Variants in SEZ6L observed in about 807,000 individuals in gnomAD.
SEZ6L encodes seizure related 6 homolog like.
In SEZ6L, 37 loss-of-function variants were observed where a neutral mutation model predicts 106.2. That is an observed-to-expected ratio of 0.35 (90% CI 0.27 to 0.46). SEZ6L has a LOEUF of 0.46. Among genes scored for constraint, SEZ6L ranks in the 20% least tolerant of loss-of-function variants. The pLI, the probability that SEZ6L is intolerant of heterozygous loss-of-function variation, is 1.00. For missense variants in SEZ6L, 1,172 were observed against 1,332.8 expected (o/e 0.88, Z 1.88); for synonymous variants, 541 against 570.4 (o/e 0.95, Z 0.73).
chr22:26,262,209 GAT>G lies in SEZ6L; in HGVS notation c.95-30188_95-30187del, dbSNP rs201188468. ...TATATATTTATATTGATATATAAAA[GAT>G]ATATATATGCACCTTTTATATATTG... On this transcript the variant is annotated intron_variant, in intron 1 of 16. Coordinates refer to ENST00000248933, the MANE Select transcript of SEZ6L (RefSeq NM_021115.5). 5.6e-3 allele frequency among the ~76,000 whole-genome samples: 828 copies of G among 147,296 alleles called. 3 individuals are homozygous for G. Among genetic ancestry groups the G allele is most frequent in the African/African-American group, 0.02 (793 of 40,104 alleles).
chr22:26,188,061 A>G (rs1939914126), intron 1 of SEZ6L, among the ~76,000 whole-genome samples: 1 of 152,180 alleles, frequency 6.6e-6, no homozygotes, highest in Non-Finnish European at 1.5e-5. Flanking sequence ...TGTATCATGT[A>G]GAGAAGAGAG....
chr22:26,356,469 C>T (rs655586), intron 12 of SEZ6L, among the ~76,000 whole-genome samples: 99,990 of 151,200 alleles, frequency 0.66, 33,672 homozygotes, highest in Middle Eastern at 0.82. Flanking sequence ...TAGTGAAACC[C>T]CGTCTCTACT....
chr22:26,292,541 C>A lies in SEZ6L; in HGVS notation c.230C>A (p.Ala77Glu), dbSNP rs570565336. The stretch of plus-strand genomic sequence containing the variant: ...GCGCCCCCCAGTTCCTCACAGTCGG[C>A]GGAAGTGCTGGGCGAGCTGGTGCTG... ...VTAPPSSSQS[A>E]EVLGELVLDG... is the part of the protein sequence containing the mutation. The change falls in exon 2 of 17, where the codon GCG (alanine) becomes GAG (glutamate). Residue 77 changes from alanine to glutamate, a missense_variant. By Grantham distance (107) the Ala-to-Glu change is moderately radical. Around this residue, in one of 4 missense-constraint regions of SEZ6L, gnomAD observed 494 missense variants for 445.8 expected, o/e 1.11. Transcript: ENST00000248933. 7.4e-6 allele frequency: 12 copies of A among 1,613,830 alleles called. No homozygotes were observed. The highest frequency in any genetic ancestry group is 9.3e-6 in the Non-Finnish European group (11 of 1,179,878).
chr22:26,260,861 G>A (rs1444465027), intron 1 of SEZ6L, among the ~76,000 whole-genome samples: 2 of 152,126 alleles, frequency 1.3e-5, no homozygotes, highest in Non-Finnish European at 2.9e-5. Context: ...GTGTAGAAGT[G>A]TCCCCTTTTC....
chr22:26,338,638 C>A (rs1011312442), intron 9 of SEZ6L, among the ~76,000 whole-genome samples: 1 of 152,008 alleles, frequency 6.6e-6, no homozygotes, highest in Admixed American at 6.5e-5. Context: ...CAGCTCACTT[C>A]AACCTCCACC....
chr22:26,325,310 A>G (rs2082274393), intron 9 of SEZ6L, among the ~76,000 whole-genome samples: 1 of 152,210 alleles, frequency 6.6e-6, no homozygotes, highest in African/African-American at 2.4e-5. Flanking sequence ...TGACCATAGA[A>G]GAGTGGAGAT....
chr22:26,339,245 A>C (rs2082747663), intron 9 of SEZ6L, among the ~76,000 whole-genome samples: 1 of 152,322 alleles, frequency 6.6e-6, no homozygotes, highest in Non-Finnish European at 1.5e-5. Context: ...AGATGCTCAA[A>C]AAAACAAACA....
At chr22:26,209,971 GAGGGAGGAAGGAAGGA>G (rs918676974) in intron 1 of SEZ6L, among the ~76,000 whole-genome samples, 4 of 144,556 alleles carry the variant, frequency 2.8e-5, no homozygotes, top group African/African-American at 8.5e-5. Context: ...GGGAGAGAGG[GAGGGAGGAAGGAAGGA>G]AGGGAGGAAG....
At chr22:26,260,387 G>A (rs2079962046) in intron 1 of SEZ6L, among the ~76,000 whole-genome samples, 1 of 152,132 alleles carries the variant, frequency 6.6e-6, no homozygotes, top group South Asian at 2.1e-4. Context: ...AACATAGGAT[G>A]TTTTGTTTTC....
chr22:26,317,521 G>A (rs915938667), intron 9 of SEZ6L, among the ~76,000 whole-genome samples: 6 of 151,808 alleles, frequency 4.0e-5, no homozygotes, highest in African/African-American at 1.5e-4. Context: ...GAGGTCTAGA[G>A]GAGGAAACAA....
At chr22:26,298,895 C>T in intron 4 of SEZ6L, 89 bp from the exon 5 acceptor site, 2 of 1,323,852 alleles carry the variant, frequency 1.5e-6, no homozygotes, top group Non-Finnish European at 2.0e-6. Flanking sequence ...TCTTCTCTCC[C>T]CAGCACAAAC....
At chr22:26,310,591 C>A in intron 6 of SEZ6L, 79 bp from the exon 7 acceptor site, 1 of 1,488,878 alleles carries the variant, frequency 6.7e-7, no homozygotes, top group South Asian at 1.2e-5. Flanking sequence ...CAGAGGCAGT[C>A]GTAGCACATC....
chr22:26,337,172 C>T lies in SEZ6L; in HGVS notation c.2016-3264C>T, dbSNP rs564172586. Among the ~76,000 whole-genome samples the T allele has an allele frequency of 9.8e-5, 15 of 152,290 alleles. No individual in the cohort carries two copies. The South Asian group carries it at 2.9e-3, about 29-fold the overall frequency. ...AAATTTCAGAAAAATCACATGCCTT[C>T]CATGAAAGTGACAAAGCTGAGAATC... On this transcript the variant is annotated intron_variant, in intron 9 of 16. Transcript: ENST00000248933.
chr22:26,340,327 G>A (rs772125285), intron 9 of SEZ6L, 109 bp from the exon 10 acceptor site: 9 of 989,360 alleles, frequency 9.1e-6, no homozygotes, highest in Non-Finnish European at 1.2e-5. Context: ...CCTGGAGCCT[G>A]ACACATACAC....
At chr22:26,373,507 A>T (rs1175732355) in intron 14 of SEZ6L, 24 bp downstream of exon 14, 1 of 1,585,544 alleles carries the variant, frequency 6.3e-7, no homozygotes, top group African/African-American at 1.4e-5. Flanking sequence ...CGAAAAAAAA[A>T]AAAGTTCAAT....
At position 26,292,810 on chromosome 22, in the gene SEZ6L, C is replaced by G. The variant is rs773165264; in HGVS notation, c.499C>G (p.Pro167Ala). The G allele has an allele frequency of 7.4e-6, 12 of 1,613,864 alleles. No individual in the cohort carries two copies. The Admixed American group carries it at 1.8e-4, about 25-fold the overall frequency. ...LSSSTEKPGP[P>A]GDPDPIVASE... ...CTCCTCCACGGAGAAGCCTGGCCCA[C>G]CGGGGGACCCGGACCCCATCGTGGC... Residue 167 changes from proline to alanine, a missense_variant, in exon 2 of 17, where the codon CCG (proline) becomes GCG (alanine). Coordinates refer to ENST00000248933, the MANE Select transcript of SEZ6L (RefSeq NM_021115.5).
intron 1 of SEZ6L, among the ~76,000 whole-genome samples, chr22:26,245,075 C>T (rs1042896517): frequency 3.3e-5 from 5 of 152,142 alleles, no homozygotes; most frequent in African/African-American, 1.2e-4. Flanking sequence ...AAAGATAACC[C>T]TTAAGTACAT....
intron 5 of SEZ6L, among the ~76,000 whole-genome samples, chr22:26,299,628 C>T (rs189196902): frequency 1.8e-3 from 275 of 152,296 alleles, no homozygotes; most frequent in South Asian, 8.3e-3. Context: ...TTTCAAAGTT[C>T]GTGTATGTTG....
At chr22:26,372,888 A>T (rs924152299) in intron 13 of SEZ6L, among the ~76,000 whole-genome samples, 2 of 152,220 alleles carry the variant, frequency 1.3e-5, no homozygotes, top group Non-Finnish European at 2.9e-5. Flanking sequence ...AAACAGTTCC[A>T]CCTCTGGCTG....
Sources: gnomAD v4.1 joint callset for allele counts (sites outside exome capture counted in the v4.1 genomes callset) on GRCh38, gnomAD v4.1.1 for gene constraint, gnomAD v4.1.1 regional missense constraint, MANE v1.5 for transcripts, NCBI Gene and HGNC (gene_info 2026-07-23, HGNC 2026-07-21) for gene names.